Variants in SLC24A2 observed in about 807,000 individuals in gnomAD.
SLC24A2 encodes solute carrier family 24 member 2, also known as sodium/potassium/calcium exchanger 2.
Under a neutral mutation model 62.0 loss-of-function variants are expected in SLC24A2, and 36 were observed. The observed-to-expected ratio is 0.58, with a 90% CI of 0.44 to 0.77. The LOEUF (loss-of-function observed/expected upper bound fraction) is 0.77. Among genes scored for constraint, SLC24A2 ranks in the 30% least tolerant of loss-of-function variants. The probability of loss-of-function intolerance (pLI) is 0.00; values close to 1 mark genes in which losing one functional copy is unlikely to be tolerated. For missense variants in SLC24A2, 846 were observed against 817.9 expected (o/e 1.03, Z -0.42); for synonymous variants, 358 against 294.0 (o/e 1.22, Z -2.23).
chr9:19,719,714 A>G (rs1820967644), intron 2 of SLC24A2, among the ~76,000 whole-genome samples: 1 of 152,228 alleles, frequency 6.6e-6, no homozygotes, highest in Non-Finnish European at 1.5e-5. Flanking sequence ...TGATTAAATA[A>G]AAGGAATTTC....
chr9:19,701,153 G>C (rs1290269521), intron 2 of SLC24A2, among the ~76,000 whole-genome samples: 4 of 152,242 alleles, frequency 2.6e-5, no homozygotes, highest in African/African-American at 9.6e-5. Context: ...GGCCCTCCCT[G>C]TTTAGGGAAG....
chr9:19,810,933 T>A, the SLC24A2 span, among the ~76,000 whole-genome samples: 1 of 152,192 alleles, frequency 6.6e-6, no homozygotes, highest in African/African-American at 2.4e-5. Flanking sequence ...GGAACGTTTC[T>A]AACTGAAATG....
At chr9:20,104,929 C>A in the SLC24A2 span, among the ~76,000 whole-genome samples, 2 of 152,174 alleles carry the variant, frequency 1.3e-5, no homozygotes, top group East Asian at 3.9e-4. Flanking sequence ...CAAGACCCAC[C>A]AGTGTGCTGT....
chr9:19,829,087 C>A, the SLC24A2 span, among the ~76,000 whole-genome samples: 10 of 152,300 alleles, frequency 6.6e-5, no homozygotes, highest in Admixed American at 4.6e-4. Context: ...GGTCTCTACA[C>A]AAGAAATCTA....
chr9:20,250,660 G>T, the SLC24A2 span, among the ~76,000 whole-genome samples: 1 of 146,714 alleles, frequency 6.8e-6, no homozygotes, highest in Non-Finnish European at 1.5e-5. Context: ...ATGGATTAAG[G>T]AACAGCCAAT....
the SLC24A2 span, among the ~76,000 whole-genome samples, chr9:19,975,817 G>A: frequency 5.9e-5 from 9 of 151,488 alleles, no homozygotes; most frequent in South Asian, 1.5e-3. Context: ...CTCCATATCT[G>A]TGGGCCTGCA....
At chr9:20,088,506 C>T in the SLC24A2 span, among the ~76,000 whole-genome samples, 12 of 152,302 alleles carry the variant, frequency 7.9e-5, no homozygotes, top group African/African-American at 2.9e-4. Flanking sequence ...CGGCCTAGGT[C>T]TACAACCATC....
chr9:19,810,127 T>C, the SLC24A2 span, among the ~76,000 whole-genome samples: 1 of 152,052 alleles, frequency 6.6e-6, no homozygotes, highest in African/African-American at 2.4e-5. Context: ...AGAGAGTAAG[T>C]GGTATACTGA....
chr9:20,193,295 T>G, the SLC24A2 span, among the ~76,000 whole-genome samples: 1 of 152,072 alleles, frequency 6.6e-6, no homozygotes, highest in Non-Finnish European at 1.5e-5. Context: ...GCCTTGAAAT[T>G]TTATTATTTA....
the SLC24A2 span, among the ~76,000 whole-genome samples, chr9:19,822,976 G>A: frequency 6.6e-6 from 1 of 152,058 alleles, no homozygotes; most frequent in Non-Finnish European, 1.5e-5. Context: ...GAGCTGCACA[G>A]CTATCTAAAA....
the SLC24A2 span, among the ~76,000 whole-genome samples, chr9:20,038,826 C>G: frequency 1.3e-5 from 2 of 152,072 alleles, no homozygotes; most frequent in African/African-American, 4.8e-5. Flanking sequence ...CATGGAGGCA[C>G]AGAATAATTT....
the SLC24A2 span, among the ~76,000 whole-genome samples, chr9:20,013,452 G>A: frequency 6.6e-6 from 1 of 152,144 alleles, no homozygotes; most frequent in African/African-American, 2.4e-5. Flanking sequence ...CTGAAGCTAT[G>A]AAACTACTGG....
chr9:19,573,667 T>C (rs923452445), intron 6 of SLC24A2, among the ~76,000 whole-genome samples, 198 bp from the exon 7 acceptor site: 3 of 152,052 alleles, frequency 2.0e-5, no homozygotes, highest in East Asian at 1.9e-4. Flanking sequence ...AGGGCTGATA[T>C]TGAGCCAAGC....
chr9:20,153,684 C>T, the SLC24A2 span, among the ~76,000 whole-genome samples: 1 of 151,812 alleles, frequency 6.6e-6, no homozygotes, highest in Non-Finnish European at 1.5e-5. Flanking sequence ...TTCAGTTTCT[C>T]CTATAGTCTC....
rs565394400 is a variant in SLC24A2, at chr9:19,693,554, A to G, written c.931-71255T>C. Among the ~76,000 whole-genome samples, 190 of 152,280 alleles carry G rather than the reference A, an allele frequency of 1.2e-3. 2 individuals are homozygous for G. Among genetic ancestry groups the G allele is most frequent in the African/African-American group, 4.3e-3 (179 of 41,580 alleles). ...ATATACCTAAACTCTTACTCTTTAT[A>G]TATCTTCAATATAAAGAGATTTAAA... On this transcript the variant is annotated intron_variant, in intron 2 of 10. Transcript: ENST00000341998.
the SLC24A2 span, among the ~76,000 whole-genome samples, chr9:20,155,157 A>AG: frequency 6.6e-6 from 1 of 151,700 alleles, no homozygotes; most frequent in African/African-American, 2.4e-5. Flanking sequence ...AGAAAAAAAA[A>AG]AAAAACTAGG....
chr9:19,783,321 T>C (rs1823068823), intron 2 of SLC24A2, among the ~76,000 whole-genome samples: 3 of 152,198 alleles, frequency 2.0e-5, no homozygotes, highest in Admixed American at 2.0e-4. Context: ...AACAGGACAA[T>C]GAAGTGACTT....
At chr9:19,873,536 C>CTTTCTTTCTTTCTTTCTTTCTTT in the SLC24A2 span, among the ~76,000 whole-genome samples, 1 of 137,040 alleles carries the variant, frequency 7.3e-6, no homozygotes, top group Non-Finnish European at 1.5e-5. Flanking sequence ...TCCTTTCTTT[C>CTTTCTTTCTTTCTTTCTTTCTTT]TCTTTCTTTC....
At chr9:19,840,798 A>G in the SLC24A2 span, among the ~76,000 whole-genome samples, 2 of 152,176 alleles carry the variant, frequency 1.3e-5, no homozygotes, top group African/African-American at 4.8e-5. Context: ...GATTTTTATC[A>G]TCTTAACGTT....
Sources: allele counts gnomAD v4.1 joint callset (sites outside exome capture counted in the v4.1 genomes callset), GRCh38; gene constraint gnomAD v4.1.1; transcripts MANE v1.5; gene names NCBI Gene and HGNC (gene_info 2026-07-23, HGNC 2026-07-21).